Variants in PDE4D observed in about 807,000 individuals in gnomAD.
The protein encoded by PDE4D is phosphodiesterase 4D.
In PDE4D, 24 loss-of-function variants were observed where a neutral mutation model predicts 87.4. That is an observed-to-expected ratio of 0.27 (90% confidence interval 0.20 to 0.39). The LOEUF (loss-of-function observed/expected upper bound fraction) is 0.39. PDE4D is among the 10% of genes least tolerant of loss of function. The pLI, the probability that PDE4D is intolerant of heterozygous loss-of-function variation, is 1.00. For missense variants in PDE4D, 714 were observed against 1,041.0 expected, an observed-to-expected ratio of 0.69 and a Z score of 4.32; for synonymous variants, 384 against 383.2, an observed-to-expected ratio of 1.00 and a Z score of -0.02.
At chr5:60,357,414 T>C (rs1036214501) in intron 1 of PDE4D, among the ~76,000 whole-genome samples, 1 of 152,230 alleles carries the variant, frequency 6.6e-6, no homozygotes, top group Non-Finnish European at 1.5e-5. Context: ...CTTACTCTTT[T>C]AACATCTGTT....
At chr5:59,908,663 T>G (rs551580868) in intron 3 of PDE4D, among the ~76,000 whole-genome samples, 71 of 152,326 alleles carry the variant, frequency 4.7e-4, no homozygotes, top group African/African-American at 1.7e-3. Flanking sequence ...GTGCCTTAAC[T>G]AAGAATTGGG....
At chr5:59,545,923 G>A (rs952771154) in intron 1 of PDE4D, among the ~76,000 whole-genome samples, 2 of 152,110 alleles carry the variant, frequency 1.3e-5, no homozygotes, top group African/African-American at 4.8e-5. Flanking sequence ...TTTTGTTGAT[G>A]GAGTCAAATA....
At chr5:59,107,832 G>T (rs967563575) in intron 5 of PDE4D, among the ~76,000 whole-genome samples, 1 of 152,216 alleles carries the variant, frequency 6.6e-6, no homozygotes, top group Non-Finnish European at 1.5e-5. Context: ...CATTAAGAAA[G>T]CCTGGCTTTT....
At chr5:59,566,041 G>A (rs1035904777) in intron 1 of PDE4D, among the ~76,000 whole-genome samples, 3 of 152,194 alleles carry the variant, frequency 2.0e-5, no homozygotes, top group Non-Finnish European at 4.4e-5. Flanking sequence ...ATATGAGTGG[G>A]TGGGTTAAAC....
chr5:59,425,545 A>G (rs947470381), intron 1 of PDE4D, among the ~76,000 whole-genome samples: 2 of 152,170 alleles, frequency 1.3e-5, no homozygotes, highest in African/African-American at 4.8e-5. Flanking sequence ...GTTGAAAATC[A>G]CTACACCCCT....
At chr5:60,461,096 C>A (rs1267105531) in intron 1 of PDE4D, among the ~76,000 whole-genome samples, 1 of 151,894 alleles carries the variant, frequency 6.6e-6, no homozygotes. Flanking sequence ...TTTCCCTGAT[C>A]TAAATTAATA....
intron 1 of PDE4D, among the ~76,000 whole-genome samples, chr5:59,493,613 T>A (rs1049667146): frequency 6.6e-6 from 1 of 152,196 alleles, no homozygotes; most frequent in African/African-American, 2.4e-5. Flanking sequence ...TTAAATACAT[T>A]TTTCTCTAAC....
chr5:59,583,192 T>C (rs900223893), intron 1 of PDE4D, among the ~76,000 whole-genome samples: 2 of 152,228 alleles, frequency 1.3e-5, no homozygotes, highest in South Asian at 4.1e-4. Context: ...TTGTTATATA[T>C]CTTTTAAGTC....
chr5:59,184,421 T>C (rs775453424), intron 4 of PDE4D, among the ~76,000 whole-genome samples: 4 of 152,200 alleles, frequency 2.6e-5, no homozygotes, highest in Non-Finnish European at 5.9e-5. Flanking sequence ...TATGAAATGT[T>C]ATGCACTTAG....
intron 1 of PDE4D, among the ~76,000 whole-genome samples, chr5:59,523,809 C>G (rs2153674538): frequency 6.6e-6 from 1 of 152,270 alleles, no homozygotes; most frequent in East Asian, 1.9e-4. Flanking sequence ...AACAGATTCC[C>G]CCATGCTGTT....
chr5:60,296,584 CAAT>C (rs1753414070), intron 1 of PDE4D, among the ~76,000 whole-genome samples: 2 of 152,134 alleles, frequency 1.3e-5, no homozygotes, highest in Non-Finnish European at 2.9e-5. Flanking sequence ...TTAAATTGTA[CAAT>C]GAGTCAATGT....
At chr5:59,996,665 T>G (rs921485938) in intron 2 of PDE4D, among the ~76,000 whole-genome samples, 1 of 152,192 alleles carries the variant, frequency 6.6e-6, no homozygotes, top group Non-Finnish European at 1.5e-5. Flanking sequence ...TAAAACTGAA[T>G]GCTATTATTG....
chr5:59,827,451 C>T (rs1443738913), intron 1 of PDE4D, among the ~76,000 whole-genome samples: 1 of 152,120 alleles, frequency 6.6e-6, no homozygotes, highest in Non-Finnish European at 1.5e-5. Context: ...CTTCAATCAT[C>T]TTCAGGATTA....
intron 2 of PDE4D, among the ~76,000 whole-genome samples, chr5:60,062,123 C>G (rs1205244490): frequency 6.6e-6 from 1 of 152,034 alleles, no homozygotes; most frequent in Non-Finnish European, 1.5e-5. Flanking sequence ...AGTGAACAGG[C>G]AATCTACAGA....
intron 11 of PDE4D, among the ~76,000 whole-genome samples, chr5:58,985,952 G>A (rs1474604479): frequency 6.6e-6 from 1 of 152,180 alleles, no homozygotes; most frequent in Non-Finnish European, 1.5e-5. Flanking sequence ...TAATGCCCTG[G>A]GGCCCGGAAC....
intron 6 of PDE4D, among the ~76,000 whole-genome samples, chr5:59,037,899 CCTT>C (rs1203064568): frequency 6.6e-6 from 1 of 151,514 alleles, no homozygotes; most frequent in Non-Finnish European, 1.5e-5. Flanking sequence ...GATAATATAA[CCTT>C]CTTGACCTTG....
intron 1 of PDE4D, 38 bp downstream of exon 1, chr5:59,893,130 C>A (rs1462042688): frequency 2.0e-6 from 3 of 1,519,994 alleles, no homozygotes; most frequent in Non-Finnish European, 2.7e-6. Flanking sequence ...GGGAGGTGAC[C>A]CTTTGCCTGA....
intron 2 of PDE4D, among the ~76,000 whole-genome samples, chr5:60,090,100 C>T (rs904046570): frequency 6.6e-6 from 1 of 152,042 alleles, no homozygotes; most frequent in Non-Finnish European, 1.5e-5. Context: ...AAAGAATAAC[C>T]TATACCAATT....
intron 2 of PDE4D, among the ~76,000 whole-genome samples, chr5:60,061,637 C>T (rs562413872): frequency 1.3e-5 from 2 of 152,132 alleles, no homozygotes; most frequent in South Asian, 4.1e-4. Flanking sequence ...CAATTCTAAG[C>T]AAAAAGAATA....
Sources: gnomAD v4.1 joint callset for allele counts (sites outside exome capture counted in the v4.1 genomes callset) on GRCh38, gnomAD v4.1.1 for gene constraint, MANE v1.5 for transcripts, NCBI Gene and HGNC (gene_info 2026-07-23, HGNC 2026-07-21) for gene names.